Variants in CNTN5 observed in about 807,000 individuals in gnomAD.
The protein encoded by CNTN5 is contactin 5, also known as contactin-5.
In CNTN5, 77 loss-of-function variants were observed where a neutral mutation model predicts 129.1. The observed-to-expected ratio is 0.60, with a 90% CI of 0.50 to 0.72. The LOEUF (loss-of-function observed/expected upper bound fraction) is 0.72, where lower values mean the gene tolerates loss of function less well. Among genes scored for constraint, CNTN5 ranks in the 30% least tolerant of loss-of-function variants. The pLI is 0.00. For synonymous variants in CNTN5, 509 were observed against 465.6 expected (o/e 1.09, Z -1.20); for missense variants, 1,478 against 1,328.8 (o/e 1.11, Z -1.75).
intron 2 of CNTN5, among the ~76,000 whole-genome samples, chr11:99,495,721 G>C (rs1946199823): frequency 6.6e-6 from 1 of 152,182 alleles, no homozygotes. Flanking sequence ...GCAGGGTAGA[G>C]AATAAATTAC....
At chr11:100,283,125 T>C (rs1950677758) in intron 18 of CNTN5, among the ~76,000 whole-genome samples, 1 of 152,118 alleles carries the variant, frequency 6.6e-6, no homozygotes, top group Non-Finnish European at 1.5e-5. Context: ...AAGTCTCCTT[T>C]ACTTTTCATA....
chr11:99,441,322 C>T (rs1425683058), intron 2 of CNTN5, among the ~76,000 whole-genome samples: 1 of 152,092 alleles, frequency 6.6e-6, no homozygotes, highest in Non-Finnish European at 1.5e-5. Flanking sequence ...TTTTGTATTG[C>T]TTTTAATCTT....
intron 21 of CNTN5, among the ~76,000 whole-genome samples, chr11:100,322,261 C>CT (rs1220739420): frequency 6.6e-6 from 1 of 151,336 alleles, no homozygotes; most frequent in Non-Finnish European, 1.5e-5. Context: ...CTCGCTCTGT[C>CT]GCCCAGGCTG....
chr11:100,330,249 CT>C (rs1237322481), intron 21 of CNTN5, among the ~76,000 whole-genome samples: 2 of 152,142 alleles, frequency 1.3e-5, no homozygotes, highest in African/African-American at 4.8e-5. Context: ...AAAGACAAGG[CT>C]TTTGAATTAA....
rs143978217 is a variant in CNTN5 at position 99,574,507 on chromosome 11, A to G, written c.55+18238A>G. On this transcript the variant is annotated intron_variant, in intron 3 of 24. Coordinates refer to ENST00000524871, the MANE Select transcript of CNTN5 (RefSeq NM_014361.4). ...ACTGTCTTCCACAATGATTGAACTA[A>G]TTTACATTCCCACCAACAGTATAAA... Among the ~76,000 whole-genome samples the G allele has an allele frequency of 4.6e-3, 700 of 152,330 alleles. 5 individuals carry two copies. The highest frequency in any genetic ancestry group is 0.016 in the African/African-American group (668 of 41,574).
At chr11:100,007,641 T>C (rs2137505194) in intron 9 of CNTN5, among the ~76,000 whole-genome samples, 1 of 152,192 alleles carries the variant, frequency 6.6e-6, no homozygotes, top group South Asian at 2.1e-4. Flanking sequence ...GGCCTTTCTG[T>C]GAGTTAGGTT....
At chr11:99,372,469 A>G (rs561740575) in intron 2 of CNTN5, among the ~76,000 whole-genome samples, 5 of 152,328 alleles carry the variant, frequency 3.3e-5, no homozygotes, top group African/African-American at 1.2e-4. Flanking sequence ...TGTTAAAACA[A>G]TCTAAAGGAA....
intron 9 of CNTN5, among the ~76,000 whole-genome samples, chr11:100,017,995 T>G (rs1366342627): frequency 6.6e-6 from 1 of 151,860 alleles, no homozygotes; most frequent in East Asian, 1.9e-4. Context: ...TTTGGGGGGG[T>G]AAAATGGGTA....
chr11:99,787,036 T>C (rs1945552443), intron 3 of CNTN5, among the ~76,000 whole-genome samples: 3 of 152,042 alleles, frequency 2.0e-5, no homozygotes, highest in African/African-American at 7.2e-5. Flanking sequence ...TATGTTCGGA[T>C]ATGAATTTTA....
intron 18 of CNTN5, among the ~76,000 whole-genome samples, chr11:100,282,912 C>T (rs536609598): frequency 1.3e-5 from 2 of 152,268 alleles, no homozygotes; most frequent in South Asian, 4.2e-4. Flanking sequence ...GCCAGTGTTC[C>T]CTTAAGGCCC....
chr11:100,212,817 T>A (rs1949060611), intron 15 of CNTN5, among the ~76,000 whole-genome samples: 1 of 152,106 alleles, frequency 6.6e-6, no homozygotes, highest in Non-Finnish European at 1.5e-5. Context: ...TCTAAAAAAA[T>A]TTTAGTGGAC....
chr11:100,340,994 C>G (rs1015115904), intron 22 of CNTN5, 99 bp from the exon 23 acceptor site: 1 of 914,574 alleles, frequency 1.1e-6, no homozygotes, highest in Non-Finnish European at 1.7e-6. Flanking sequence ...TGCCAGCCAA[C>G]TACTAAGCAG....
At chr11:99,396,048 A>T (rs1941505186) in intron 2 of CNTN5, among the ~76,000 whole-genome samples, 1 of 151,778 alleles carries the variant, frequency 6.6e-6, no homozygotes, top group Admixed American at 6.6e-5. Flanking sequence ...TTATATATGA[A>T]TTTTAAAATG....
At chr11:99,453,227 A>G (rs937071970) in intron 2 of CNTN5, among the ~76,000 whole-genome samples, 1 of 152,198 alleles carries the variant, frequency 6.6e-6, no homozygotes, top group Non-Finnish European at 1.5e-5. Context: ...TTTTAGACAT[A>G]GTAGTTAGAG....
intron 17 of CNTN5, among the ~76,000 whole-genome samples, chr11:100,269,978 C>G (rs548999773): frequency 6.6e-6 from 1 of 152,314 alleles, no homozygotes; most frequent in South Asian, 2.1e-4. Context: ...TGTGGTCTGA[C>G]AGTGGCCTTT....
chr11:99,965,771 C>T lies in CNTN5; in HGVS notation c.877+8762C>T, dbSNP rs78613112. 1.6e-3 allele frequency among the ~76,000 whole-genome samples: 244 copies of T among 152,158 alleles called. 2 individuals are homozygous for T. The highest frequency in any genetic ancestry group is 5.8e-3 in the African/African-American group (239 of 41,526). ...TGTTGACAGTGGGGTGTTAAAGTCT[C>T]CCACTATTGTGTGGGAGTCTAAGTC... is the stretch of plus-strand genomic sequence containing the variant. On this transcript the variant is annotated intron_variant, in intron 8 of 24. Transcript: ENST00000524871.
intron 2 of CNTN5, among the ~76,000 whole-genome samples, chr11:99,456,710 G>C (rs1944508354): frequency 6.6e-6 from 1 of 151,972 alleles, no homozygotes; most frequent in East Asian, 1.9e-4. Flanking sequence ...AATACCTACT[G>C]AACAACGACA....
At chr11:99,128,522 C>T (rs1246696101) in intron 1 of CNTN5, among the ~76,000 whole-genome samples, 4 of 152,138 alleles carry the variant, frequency 2.6e-5, no homozygotes, top group African/African-American at 9.6e-5. Flanking sequence ...GGAGGAGCGG[C>T]CAAGGTGTCA....
chr11:99,226,422 G>C (rs17133304), intron 1 of CNTN5, among the ~76,000 whole-genome samples: 2,644 of 152,242 alleles, frequency 0.017, 40 homozygotes, highest in African/African-American at 0.038. Context: ...TGATATTCAA[G>C]TCAGTGCACA....
Sources: gnomAD v4.1 joint callset for allele counts (sites outside exome capture counted in the v4.1 genomes callset) on GRCh38, gnomAD v4.1.1 for gene constraint, MANE v1.5 for transcripts, NCBI Gene and HGNC (gene_info 2026-07-23, HGNC 2026-07-21) for gene names.